Variants in LRP1B observed in about 807,000 individuals in gnomAD.
LRP1B encodes low-density lipoprotein receptor-related protein 1B.
In LRP1B, 217 loss-of-function variants were observed where a neutral mutation model predicts 556.6. The observed-to-expected ratio is 0.39, with a 90% confidence interval of 0.35 to 0.44. The LOEUF is 0.44. Ranked by LOEUF, LRP1B falls within the 20% of genes least tolerant of loss-of-function variation. The pLI is 1.00. For missense variants in LRP1B, 5,053 were observed against 5,620.8 expected, an observed-to-expected ratio of 0.90 and a Z score of 3.23; for synonymous variants, 2,047 against 1,865.8, an observed-to-expected ratio of 1.10 and a Z score of -2.50.
intron 11 of LRP1B, among the ~76,000 whole-genome samples, chr2:141,021,207 G>A (rs1237801045): frequency 1.3e-5 from 2 of 152,032 alleles, no homozygotes; most frequent in African/African-American, 4.8e-5. Flanking sequence ...ACATTTCCCT[G>A]TATGCAGACA....
chr2:140,564,685 C>T (rs1221360363), intron 43 of LRP1B, among the ~76,000 whole-genome samples: 1 of 151,954 alleles, frequency 6.6e-6, no homozygotes, highest in Non-Finnish European at 1.5e-5. Context: ...TGGCTTTCCT[C>T]AATTAAAAAG....
intron 71 of LRP1B, among the ~76,000 whole-genome samples, chr2:140,368,816 C>T (rs530435714): frequency 3.3e-5 from 5 of 151,870 alleles, no homozygotes; most frequent in South Asian, 4.1e-4. Flanking sequence ...CCAATACCTA[C>T]GCCACTTCCT....
chr2:141,369,444 A>T (rs1039555717), intron 3 of LRP1B, among the ~76,000 whole-genome samples: 1 of 152,156 alleles, frequency 6.6e-6, no homozygotes, highest in Non-Finnish European at 1.5e-5. Context: ...CAAGGGCCCC[A>T]AAAATATCAA....
intron 2 of LRP1B, among the ~76,000 whole-genome samples, chr2:141,666,816 G>A (rs1690456657): frequency 6.6e-6 from 1 of 152,280 alleles, no homozygotes; most frequent in Non-Finnish European, 1.5e-5. Flanking sequence ...GGAGAAACAT[G>A]TTAATGTGCC....
intron 32 of LRP1B, among the ~76,000 whole-genome samples, chr2:140,780,495 C>A (rs2104961229): frequency 6.6e-6 from 1 of 152,296 alleles, no homozygotes; most frequent in East Asian, 1.9e-4. Flanking sequence ...GACTATAACA[C>A]TGGAGCACAG....
chr2:140,364,485 T>G (rs1363481730), intron 72 of LRP1B, among the ~76,000 whole-genome samples, 176 bp downstream of exon 72: 4 of 151,616 alleles, frequency 2.6e-5, no homozygotes, highest in Non-Finnish European at 4.4e-5. Flanking sequence ...AAGTCATAAC[T>G]TCGGAACCGG....
chr2:140,364,512 C>T (rs536185060), intron 72 of LRP1B, 149 bp downstream of exon 72: 36 of 894,788 alleles, frequency 4.0e-5, no homozygotes, highest in South Asian at 3.7e-4. Flanking sequence ...CCTTTATTAC[C>T]TGAACAAAAG....
At chr2:141,394,116 A>G (rs966872785) in intron 3 of LRP1B, among the ~76,000 whole-genome samples, 2 of 152,186 alleles carry the variant, frequency 1.3e-5, no homozygotes, top group African/African-American at 4.8e-5. Flanking sequence ...TAAATAAAAT[A>G]TAAATCTCAA....
chr2:141,003,050 A>C (rs1016010167), intron 15 of LRP1B, among the ~76,000 whole-genome samples: 2 of 151,996 alleles, frequency 1.3e-5, no homozygotes, highest in African/African-American at 4.8e-5. Flanking sequence ...GTATTATTCC[A>C]AATACCTAAA....
intron 20 of LRP1B, among the ~76,000 whole-genome samples, chr2:140,939,137 A>G (rs1053836903): frequency 6.6e-6 from 1 of 152,112 alleles, no homozygotes; most frequent in African/African-American, 2.4e-5. Context: ...ATGGATTCTG[A>G]GAGTCTAATC....
At chr2:140,603,617 G>A (rs1436505662) in intron 41 of LRP1B, among the ~76,000 whole-genome samples, 1 of 151,976 alleles carries the variant, frequency 6.6e-6, no homozygotes, top group Non-Finnish European at 1.5e-5. Flanking sequence ...AAAACACTTC[G>A]TATCACCATT....
chr2:140,404,196 A>G (rs1684631607), intron 66 of LRP1B, among the ~76,000 whole-genome samples: 1 of 116,530 alleles, frequency 8.6e-6, no homozygotes, highest in Non-Finnish European at 1.7e-5. Context: ...TTTTTTTGAG[A>G]CAGAGTCTCG....
intron 7 of LRP1B, among the ~76,000 whole-genome samples, chr2:141,148,269 A>C (rs1336761208): frequency 6.6e-6 from 1 of 152,208 alleles, no homozygotes; most frequent in Non-Finnish European, 1.5e-5. Context: ...ATTCAGATAC[A>C]TGCTGATCTT....
At chr2:141,345,484 T>A (rs1688217157) in intron 3 of LRP1B, among the ~76,000 whole-genome samples, 2 of 151,972 alleles carry the variant, frequency 1.3e-5, no homozygotes, top group African/African-American at 4.8e-5. Flanking sequence ...TTCTTCTTCT[T>A]TTTTTGTTTT....
At chr2:141,997,552 G>A (rs1425415763) in intron 1 of LRP1B, among the ~76,000 whole-genome samples, 5 of 149,538 alleles carry the variant, frequency 3.3e-5, no homozygotes, top group East Asian at 2.0e-4. Context: ...GCTCAATCTT[G>A]GTTCACTGCA....
intron 1 of LRP1B, among the ~76,000 whole-genome samples, chr2:141,987,100 C>A (rs1293254061): frequency 6.6e-6 from 1 of 151,870 alleles, no homozygotes; most frequent in African/African-American, 2.4e-5. Context: ...TATTTTTCAT[C>A]TTTACCTTTA....
At chr2:141,239,344 A>C (rs1388857169) in intron 5 of LRP1B, among the ~76,000 whole-genome samples, 1 of 152,134 alleles carries the variant, frequency 6.6e-6, no homozygotes, top group Non-Finnish European at 1.5e-5. Context: ...AAGGCGATTA[A>C]AGAGCAGAGC....
intron 41 of LRP1B, among the ~76,000 whole-genome samples, chr2:140,652,106 G>A (rs768394124): frequency 2.6e-4 from 39 of 151,842 alleles, no homozygotes; most frequent in Admixed American, 1.2e-3. Flanking sequence ...TTTTAAAAAA[G>A]CAACATTTAA....
At chr2:140,953,650 CATCA>C (rs1410583879) in intron 18 of LRP1B, among the ~76,000 whole-genome samples, 1 of 152,160 alleles carries the variant, frequency 6.6e-6, no homozygotes, top group African/African-American at 2.4e-5. Flanking sequence ...ACATGTTACT[CATCA>C]ATCAATCAGT....
Sources: gnomAD v4.1 joint callset for allele counts (sites outside exome capture counted in the v4.1 genomes callset) on GRCh38, gnomAD v4.1.1 for gene constraint, MANE v1.5 for transcripts, NCBI Gene and HGNC (gene_info 2026-07-23, HGNC 2026-07-21) for gene names.